Variants in SRC observed in about 807,000 individuals in gnomAD.
SRC encodes SRC proto-oncogene, non-receptor tyrosine kinase.
Under a neutral mutation model 62.9 loss-of-function variants are expected in SRC, and 13 were observed. That is an observed-to-expected ratio of 0.21 (90% CI 0.13 to 0.33). The LOEUF (loss-of-function observed/expected upper bound fraction) is 0.33, where lower values mean the gene tolerates loss of function less well. SRC is among the 10% of genes least tolerant of loss of function. The pLI, the probability that SRC is intolerant of heterozygous loss-of-function variation, is 1.00. For synonymous variants in SRC, 302 were observed against 317.5 expected (o/e 0.95, Z 0.52); for missense variants, 457 against 737.3 (o/e 0.62, Z 4.40).
chr20:37,399,088 A>G (rs2070700094), intron 9 of SRC, among the ~76,000 whole-genome samples: 1 of 152,192 alleles, frequency 6.6e-6, no homozygotes, highest in South Asian at 2.1e-4. Context: ...TGATAACCAC[A>G]TTACTTACTG....
intron 5 of SRC, among the ~76,000 whole-genome samples, chr20:37,386,904 A>C (rs1421473703): frequency 6.6e-6 from 1 of 152,264 alleles, no homozygotes; most frequent in Non-Finnish European, 1.5e-5. Flanking sequence ...GGGCGAGCCC[A>C]GAGTCGGCTC....
At chr20:37,381,617 A>G (rs113489208) in intron 2 of SRC, among the ~76,000 whole-genome samples, 3 of 152,244 alleles carry the variant, frequency 2.0e-5, no homozygotes, top group African/African-American at 7.2e-5. Flanking sequence ...ATGTCCCCCT[A>G]TAGTGAGGAG....
chr20:37,402,697 G>C lies in SRC; in HGVS notation c.1271-52G>C. 1 of 1,579,652 alleles carries C rather than the reference G, an allele frequency of 6.3e-7. No homozygotes were observed. The highest frequency in any genetic ancestry group is 8.6e-7 in the Non-Finnish European group (1 of 1,160,878). ...CATTCCTCATGGTGCTTATCTAGCA[G>C]AGCGGTCATGACAGGAGGTCAGAGC... is the stretch of plus-strand genomic sequence containing the variant. On this transcript the variant is annotated intron_variant, in intron 12 of 13. Coordinates refer to ENST00000373578, the MANE Select transcript of SRC (RefSeq NM_198291.3). The surrounding 1 kb of genome is among the most constrained non-coding windows in gnomAD (Gnocchi z 6.2).
chr20:37,369,467 A>G (rs922635054), intron 2 of SRC, among the ~76,000 whole-genome samples: 1 of 152,140 alleles, frequency 6.6e-6, no homozygotes, highest in Non-Finnish European at 1.5e-5. Flanking sequence ...AATACAATGT[A>G]TTTTTGTGTA....
Position 37,397,730 on chromosome 20 carries a change from C to A in SRC, c.735C>A (p.Thr245=). The part of the protein sequence containing the change: ...KHADGLCHRL[T]TVCPTSKPQT... ...CCGATGGCCTGTGCCACCGCCTCAC[C>A]ACCGTGTGCCCCACGTCCAAGCCGC... Residue 245 remains threonine (T), a synonymous_variant, in exon 9 of 14, where the codon ACC becomes ACA. Coordinates refer to ENST00000373578, the MANE Select transcript of SRC (RefSeq NM_198291.3). The surrounding 1 kb of genome is among the most constrained non-coding windows in gnomAD (Gnocchi z 4.1). The A allele has an allele frequency of 1.2e-6, 2 of 1,603,502 alleles. No individual in the cohort carries two copies. Among genetic ancestry groups the A allele is most frequent in the Non-Finnish European group, 1.7e-6 (2 of 1,174,144 alleles).
At chr20:37,369,426 A>G (rs1254012391) in intron 2 of SRC, among the ~76,000 whole-genome samples, 1 of 152,064 alleles carries the variant, frequency 6.6e-6, no homozygotes, top group Non-Finnish European at 1.5e-5. Context: ...TCTTAATTTT[A>G]TTTTTGGATT....
intron 1 of SRC, among the ~76,000 whole-genome samples, chr20:37,347,249 CCAGCCA>C (rs934428825): frequency 3.3e-5 from 5 of 152,244 alleles, no homozygotes; most frequent in African/African-American, 1.2e-4. Context: ...AAGTCCAGGC[CCAGCCA>C]CAGCCACAGT....
intron 4 of SRC, 34 bp from the exon 5 acceptor site, chr20:37,386,041 C>T (rs2070450180): frequency 6.4e-7 from 1 of 1,565,660 alleles, no homozygotes; most frequent in South Asian, 1.1e-5. Context: ...GGCTGTGGCC[C>T]CACTGTTCTG....
At chr20:37,373,149 TAC>T (rs1043930839) in intron 2 of SRC, among the ~76,000 whole-genome samples, 11 of 128,902 alleles carry the variant, frequency 8.5e-5, no homozygotes, top group Admixed American at 2.9e-4. Context: ...TATGTACATA[TAC>T]ACACATACAC....
intron 2 of SRC, among the ~76,000 whole-genome samples, chr20:37,373,191 C>T (rs938696100): frequency 6.7e-6 from 1 of 150,120 alleles, no homozygotes; most frequent in African/African-American, 2.5e-5. Flanking sequence ...CACATGTATA[C>T]ATATATGTAC....
intron 2 of SRC, among the ~76,000 whole-genome samples, chr20:37,369,400 C>T (rs963991635): frequency 6.6e-6 from 1 of 152,104 alleles, no homozygotes; most frequent in Non-Finnish European, 1.5e-5. Flanking sequence ...TCTTTTGATG[C>T]TATCATAAAT....
In SRC at chr20:37,384,298, G is replaced by C. The variant is rs2147050295; in HGVS notation, c.145G>C (p.Gly49Arg). The C allele has an allele frequency of 6.7e-7, 1 of 1,485,284 alleles. No homozygotes were observed. The highest frequency in any genetic ancestry group is 1.3e-5 in the South Asian group (1 of 78,536). The allele number at this position is 1,485,284 out of a possible 1,614,324, so 92.0% of individuals were successfully genotyped here. A position where few individuals can be genotyped will look rare whatever the true frequency, so the allele number is the denominator to read the frequency against. Reference sequence around the variant, plus strand: ...GCCAGCCTCGGCCGACGGCCACCGCGGCCCCAGCGCGGCCTTCGCCCCCGC... The same window carrying C: ...GCCAGCCTCGGCCGACGGCCACCGCCGCCCCAGCGCGGCCTTCGCCCCCGC... ...SKPASADGHRGPSAAFAPAAA... is the reference protein window; with the variant it reads ...SKPASADGHRRPSAAFAPAAA... The change falls in exon 4 of 14, where the codon GGC becomes CGC. Residue 49 changes from glycine (G) to arginine (R), a missense_variant. Coordinates refer to ENST00000373578, the MANE Select transcript of SRC (RefSeq NM_198291.3). The surrounding 1 kb of genome is among the most constrained non-coding windows in gnomAD (Gnocchi z 6.7).
chr20:37,387,404 G>A (rs925987276), intron 5 of SRC, among the ~76,000 whole-genome samples: 1 of 152,106 alleles, frequency 6.6e-6, no homozygotes, highest in Non-Finnish European at 1.5e-5. Context: ...TGAAGTGATC[G>A]GGGAGGGGGC....
chr20:37,352,194 T>G (rs963679493), intron 1 of SRC, among the ~76,000 whole-genome samples: 1 of 152,228 alleles, frequency 6.6e-6, no homozygotes, highest in African/African-American at 2.4e-5. Flanking sequence ...GCACCAGCTT[T>G]GACAAGATGG....
chr20:37,387,391 G>A (rs1445490329), intron 5 of SRC, among the ~76,000 whole-genome samples: 1 of 152,218 alleles, frequency 6.6e-6, no homozygotes, highest in Non-Finnish European at 1.5e-5. Flanking sequence ...GTCTAGCCAG[G>A]GCTGAAGTGA....
In SRC at chr20:37,405,874, C is replaced by T. The variant is rs2070820427; in HGVS notation, c.*2495C>T. On this transcript the variant is annotated 3_prime_UTR_variant, in exon 14 of 14. Coordinates refer to ENST00000373578, the MANE Select transcript of SRC (RefSeq NM_198291.3). ...AAAACGCTGAAGAAAAATCCAAAGA[C>T]CCTTCCCCTCCTCCCTCCTTCCCCA... The T allele has an allele frequency of 6.6e-6, 1 of 152,234 alleles. No individual in the cohort carries two copies. 9.4% of individuals were successfully genotyped at this position (152,234 alleles called of 1,614,324 possible).
intron 5 of SRC, among the ~76,000 whole-genome samples, chr20:37,393,361 C>T (rs1180799088): frequency 6.6e-6 from 1 of 152,208 alleles, no homozygotes; most frequent in East Asian, 1.9e-4. Context: ...GTCACTGGGT[C>T]CCAGCAGGGC....
chr20:37,372,848 T>A (rs2070188181), intron 2 of SRC, among the ~76,000 whole-genome samples: 2 of 152,162 alleles, frequency 1.3e-5, no homozygotes, highest in South Asian at 4.1e-4. Context: ...TTGCAATTAT[T>A]TTTCTTTGTT....
At chr20:37,363,379 C>A (rs2070007753) in intron 1 of SRC, among the ~76,000 whole-genome samples, 1 of 152,224 alleles carries the variant, frequency 6.6e-6, no homozygotes, top group Non-Finnish European at 1.5e-5. Flanking sequence ...AGGCCCTGCC[C>A]ACCTGGCACC....
Sources: gnomAD v4.1 joint callset for allele counts (sites outside exome capture counted in the v4.1 genomes callset) on GRCh38, gnomAD v4.1.1 for gene constraint, Gnocchi (gnomAD v3.1) non-coding constraint, MANE v1.5 for transcripts, NCBI Gene and HGNC (gene_info 2026-07-23, HGNC 2026-07-21) for gene names.